LRRC69: variants seen among roughly 807,000 people sequenced by gnomAD.
LRRC69 encodes leucine-rich repeat-containing protein 69.
Under a neutral mutation model 37.8 loss-of-function variants are expected in LRRC69, and 42 were observed. The ratio of observed to expected loss-of-function variants is 1.11; its 90% CI spans 0.87 to 1.44. The LOEUF (loss-of-function observed/expected upper bound fraction) is 1.44. Among genes scored for constraint, LRRC69 ranks in the 40% most tolerant of loss-of-function variants. The probability of loss-of-function intolerance (pLI) is 0.00; values close to 1 mark genes in which losing one functional copy is unlikely to be tolerated. For missense variants in LRRC69, 357 were observed against 401.9 expected (o/e 0.89, Z 0.96); for synonymous variants, 141 against 143.1 (o/e 0.99, Z 0.11).
intron 5 of LRRC69, among the ~76,000 whole-genome samples, chr8:91,174,721 A>G (rs4551302): frequency 0.68 from 102,880 of 152,076 alleles, 35,262 homozygotes; most frequent in African/African-American, 0.74. Flanking sequence ...GAGCTTTCAC[A>G]TCTGTGGTAT....
intron 5 of LRRC69, among the ~76,000 whole-genome samples, chr8:91,183,834 C>T (rs1408193548): frequency 5.9e-5 from 9 of 152,148 alleles, no homozygotes; most frequent in African/African-American, 2.2e-4. Context: ...ACTCTGCAAA[C>T]AGCACCACAG....
intron 3 of LRRC69, 41 bp from the exon 4 acceptor site, chr8:91,133,069 G>C: frequency 1.6e-6 from 2 of 1,259,686 alleles, no homozygotes; most frequent in Non-Finnish European, 2.1e-6. Context: ...TCTTATTCTT[G>C]TGAGTTTCAT....
intron 5 of LRRC69, among the ~76,000 whole-genome samples, chr8:91,177,854 T>TTTC (rs1809260334): frequency 6.7e-6 from 1 of 149,382 alleles, no homozygotes; most frequent in Non-Finnish European, 1.5e-5. Flanking sequence ...GCTTTTCTTT[T>TTTC]TTTTTTTTTT....
chr8:91,146,057 A>G (rs1017851032), intron 5 of LRRC69, among the ~76,000 whole-genome samples: 2 of 151,724 alleles, frequency 1.3e-5, no homozygotes, highest in Non-Finnish European at 2.9e-5. Context: ...TTCTACTTCT[A>G]TATGTGATTT....
chr8:91,182,243 G>T (rs982786292), intron 5 of LRRC69, among the ~76,000 whole-genome samples: 5 of 152,056 alleles, frequency 3.3e-5, no homozygotes, highest in Non-Finnish European at 5.9e-5. Context: ...TGATTTAAAA[G>T]ATTTTTTTAA....
intron 5 of LRRC69, chr8:91,158,885 T>TTG: frequency 1.6e-6 from 1 of 606,466 alleles, no homozygotes; most frequent in Admixed American, 2.9e-5. Context: ...ACATACAACT[T>TTG]TGTGCATTTG....
chr8:91,194,053 C>T (rs1809549819), intron 6 of LRRC69, among the ~76,000 whole-genome samples: 1 of 105,266 alleles, frequency 9.5e-6, no homozygotes, highest in South Asian at 3.9e-4. Flanking sequence ...GAGTTTTTAG[C>T]ATGAAAGGTT....
intron 3 of LRRC69, among the ~76,000 whole-genome samples, chr8:91,131,457 ATATCT>A (rs1170611922): frequency 3.9e-5 from 6 of 151,914 alleles, no homozygotes; most frequent in Admixed American, 1.3e-4. Flanking sequence ...TAAAAAGTTG[ATATCT>A]TAGCAATATT....
intron 5 of LRRC69, chr8:91,157,730 T>A (rs897144661): frequency 1.2e-6 from 2 of 1,605,090 alleles, no homozygotes; most frequent in Non-Finnish European, 1.7e-6. Flanking sequence ...CCAATGCAGG[T>A]GGCAGTCTGA....
chr8:91,198,220 C>G (rs1230684006), intron 6 of LRRC69, among the ~76,000 whole-genome samples: 3 of 152,076 alleles, frequency 2.0e-5, no homozygotes, highest in African/African-American at 7.2e-5. Context: ...AGATGCCAGG[C>G]TAAATGGTTT....
At chr8:91,147,149 G>A (rs1415889596) in intron 5 of LRRC69, among the ~76,000 whole-genome samples, 1 of 150,694 alleles carries the variant, frequency 6.6e-6, no homozygotes, top group East Asian at 1.9e-4. Context: ...GTTGATCCCT[G>A]GGCCCCATGC....
intron 5 of LRRC69, among the ~76,000 whole-genome samples, chr8:91,178,523 G>A (rs868274215): frequency 6.6e-6 from 1 of 152,256 alleles, no homozygotes; most frequent in African/African-American, 2.4e-5. Context: ...TATTTTGTTA[G>A]CTTTTTGCTT....
intron 6 of LRRC69, among the ~76,000 whole-genome samples, chr8:91,191,447 G>C (rs758389203): frequency 6.6e-6 from 1 of 152,068 alleles, no homozygotes; most frequent in Non-Finnish European, 1.5e-5. Context: ...AACTAATTTA[G>C]TCCTCTACTA....
At chr8:91,200,879 T>C (rs1383159341) in intron 7 of LRRC69, 87 bp downstream of exon 7, 2 of 1,258,790 alleles carry the variant, frequency 1.6e-6, no homozygotes, top group African/African-American at 3.2e-5. Context: ...TAACTAGATT[T>C]GTACCTATGA....
exon 8 of LRRC69, chr8:91,218,893 T>A: frequency 6.5e-7 from 1 of 1,540,912 alleles, no homozygotes; most frequent in Non-Finnish European, 8.8e-7. Context: ...TTTTTAGGAC[T>A]GGAAGATAAG....
intron 5 of LRRC69, among the ~76,000 whole-genome samples, chr8:91,151,606 G>A (rs1808739104): frequency 6.6e-6 from 1 of 151,602 alleles, no homozygotes; most frequent in South Asian, 2.1e-4. Flanking sequence ...GTAAGCATAT[G>A]TGTACATGTA....
chr8:91,159,048 G>T (rs1295032013), intron 5 of LRRC69, among the ~76,000 whole-genome samples: 5 of 151,102 alleles, frequency 3.3e-5, no homozygotes, highest in Admixed American at 2.6e-4. Flanking sequence ...TTTAAAAAAA[G>T]ATCTATGACC....
chr8:91,147,480 G>A (rs1243660267), intron 5 of LRRC69, among the ~76,000 whole-genome samples: 1 of 151,016 alleles, frequency 6.6e-6, no homozygotes, highest in African/African-American at 2.4e-5. Flanking sequence ...ATTTTGCCCA[G>A]GCTGGTCTTG....
intron 1 of LRRC69, among the ~76,000 whole-genome samples, chr8:91,121,308 A>T (rs1443016235): frequency 6.6e-6 from 1 of 152,080 alleles, no homozygotes; most frequent in Non-Finnish European, 1.5e-5. Flanking sequence ...AATGTTACAC[A>T]TATGCTTAAA....
Sources: gnomAD v4.1 joint callset for allele counts (sites outside exome capture counted in the v4.1 genomes callset) on GRCh38, gnomAD v4.1.1 for gene constraint, MANE v1.5 for transcripts, NCBI Gene and HGNC (gene_info 2026-07-23, HGNC 2026-07-21) for gene names.